The following USH2A variants were observed in gnomAD, a reference collection of about 807,000 sequenced individuals.
USH2A encodes the protein Usher syndrome 2A (autosomal recessive, mild).
Under a neutral mutation model 538.9 loss-of-function variants are expected in USH2A, and 443 were observed. The observed-to-expected ratio is 0.82, with a 90% CI of 0.76 to 0.89. The LOEUF is 0.89. Among genes scored for constraint, USH2A ranks in the 40% least tolerant of loss-of-function variants. The pLI is 0.00. For missense variants in USH2A, 6,633 were observed against 6,324.8 expected (o/e 1.05, Z -1.65); for synonymous variants, 2,413 against 2,273.5 (o/e 1.06, Z -1.75).
intron 38 of USH2A, among the ~76,000 whole-genome samples, chr1:215,931,527 C>T (rs1158231939): frequency 6.6e-6 from 1 of 151,968 alleles, no homozygotes; most frequent in African/African-American, 2.4e-5. Flanking sequence ...TTTGAGCTCC[C>T]AATTTTATCT....
rs772469975 is a variant in USH2A at position 215,675,241 on chromosome 1, T to C, written c.12670A>G (p.Met4224Val). ...GGTTGCAAACCTGTGTCATTATACATAAATGTATTCCTTTCAGTGTTATAT... is the reference window on the plus strand; with the variant it reads ...GGTTGCAAACCTGTGTCATTATACACAAATGTATTCCTTTCAGTGTTATAT... ...TEYNTERNTFMYNDTGLQPWT... is the reference protein window; with the variant it reads ...TEYNTERNTFVYNDTGLQPWT... Residue 4224 changes from methionine (M) to valine (V), a missense_variant, in exon 63 of 72, where the codon ATG becomes GTG. By Grantham distance (21) the Met-to-Val change is conservative. Coordinates refer to ENST00000307340, the MANE Select transcript of USH2A (RefSeq NM_206933.4). 4 of 1,614,158 alleles carry C rather than the reference T, an allele frequency of 2.5e-6. No individual in the cohort carries two copies. Among genetic ancestry groups the C allele is most frequent in the Non-Finnish European group, 3.4e-6 (4 of 1,180,022 alleles).
intron 14 of USH2A, among the ~76,000 whole-genome samples, chr1:216,217,834 A>G (rs1448464640): frequency 6.6e-6 from 1 of 152,082 alleles, no homozygotes; most frequent in Non-Finnish European, 1.5e-5. Flanking sequence ...ACATCCCACA[A>G]TATATCTTAT....
Position 216,287,531 on chromosome 1 carries a change from CT to C in USH2A, c.1971+1748del, listed in dbSNP as rs377331647. Among the ~76,000 whole-genome samples the C allele has an allele frequency of 7.1e-4, 106 of 149,282 alleles. 1 individual carries two copies. Among genetic ancestry groups the C allele is most frequent in the East Asian group, 2.6e-3 (13 of 5,088 alleles). On this transcript the variant is annotated intron_variant, in intron 11 of 71. Coordinates refer to ENST00000307340, the MANE Select transcript of USH2A (RefSeq NM_206933.4). ...GTAGATTGAAATTGATTATGGTGGC[CT>C]TTTTTTTTTCTTAGTCAGTTGTTAA... is the stretch of plus-strand genomic sequence containing the variant.
At position 216,039,433 on chromosome 1, in the gene USH2A, T is replaced by C. The variant is rs574848261; in HGVS notation, c.6325+6998A>G. On this transcript the variant is annotated intron_variant, in intron 32 of 71. Coordinates refer to ENST00000307340, the MANE Select transcript of USH2A (RefSeq NM_206933.4). The stretch of plus-strand genomic sequence containing the variant: ...CCTCGTTTGTAATAGAGTGGCATGG[T>C]GACTCATGGATGAGACCGTCATCTT... 2.6e-5 allele frequency among the ~76,000 whole-genome samples: 4 copies of C among 152,104 alleles called. No homozygotes were observed. In the East Asian group the frequency reaches 7.7e-4, roughly 29 times the overall value.
chr1:215,845,906 T>C lies in USH2A; in HGVS notation c.8973A>G (p.Thr2991=). 2 of 1,613,948 alleles carry C rather than the reference T, an allele frequency of 1.2e-6. No individual in the cohort carries two copies. The highest frequency in any genetic ancestry group is 2.2e-5 in the East Asian group (1 of 44,870). Residue 2991 remains threonine (T), a synonymous_variant, in exon 45 of 72, where the codon ACA becomes ACG. Coordinates refer to ENST00000307340, the MANE Select transcript of USH2A (RefSeq NM_206933.4). The stretch of plus-strand genomic sequence containing the variant: ...AGACAGAGATAAAGATCCAATACTC[T>C]GTGTTTGGCTTTAGGTGGCCAATGA... ...SHVIGHLKPN[T]EYWIFISVFN... is the part of the protein sequence containing the mutation.
intron 40 of USH2A, among the ~76,000 whole-genome samples, chr1:215,895,707 ATGT>A (rs1359916041): frequency 6.6e-6 from 1 of 152,162 alleles, no homozygotes; most frequent in Non-Finnish European, 1.5e-5. Context: ...AAATAACAAG[ATGT>A]AATGCAATGA....
At chr1:215,790,354 T>G in intron 50 of USH2A, 72 bp from the exon 51 acceptor site, 1 of 1,560,330 alleles carries the variant, frequency 6.4e-7, no homozygotes, top group Non-Finnish European at 8.8e-7. Flanking sequence ...CTATAAAGTT[T>G]GGTATAAAAA....
intron 3 of USH2A, among the ~76,000 whole-genome samples, chr1:216,388,152 A>G (rs976133636): frequency 6.6e-6 from 1 of 152,226 alleles, no homozygotes. Flanking sequence ...GAGTTTAAGT[A>G]TAACCATTAT....
intron 4 of USH2A, among the ~76,000 whole-genome samples, chr1:216,344,964 G>A (rs2038146729): frequency 6.6e-6 from 1 of 151,580 alleles, no homozygotes; most frequent in Non-Finnish European, 1.5e-5. Context: ...AATTAGGCAT[G>A]CATGTGAATG....
chr1:216,309,373 T>C (rs2037379013), intron 9 of USH2A, among the ~76,000 whole-genome samples: 1 of 152,220 alleles, frequency 6.6e-6, no homozygotes, highest in Non-Finnish European at 1.5e-5. Flanking sequence ...TCTCTTGCCC[T>C]AATTCAGCCT....
rs544086197 is a variant in USH2A at position 216,065,048 on chromosome 1, C to G, written c.6049+5053G>C. On this transcript the variant is annotated intron_variant, in intron 30 of 71. Transcript: ENST00000307340. ...TGCATAGTTAACATAGTTAACTCTT[C>G]CCTTAGTTTGTGACAAATTTGATAT... Among the ~76,000 whole-genome samples, 279 of 152,292 alleles carry G rather than the reference C, an allele frequency of 1.8e-3. 3 individuals are homozygous for G. The highest frequency in any genetic ancestry group is 6.6e-3 in the African/African-American group (274 of 41,562).
chr1:215,981,999 C>T (rs938603709), intron 35 of USH2A, among the ~76,000 whole-genome samples: 1 of 152,158 alleles, frequency 6.6e-6, no homozygotes, highest in East Asian at 1.9e-4. Flanking sequence ...TATACATTTA[C>T]GTAAGTAATC....
In USH2A at chr1:216,172,146, T is replaced by C. The variant is rs150733044; in HGVS notation, c.4627+3106A>G. ...ATTATTCTCTTTCTATTGTGTAAGATAAAAATATTTAAAGCAAATATGAAA... is the reference window on the plus strand; with the variant it reads ...ATTATTCTCTTTCTATTGTGTAAGACAAAAATATTTAAAGCAAATATGAAA... On this transcript the variant is annotated intron_variant, in intron 21 of 71. Transcript: ENST00000307340. 2.6e-5 allele frequency among the ~76,000 whole-genome samples: 4 copies of C among 152,134 alleles called. No homozygotes were observed. In the East Asian group the frequency reaches 5.8e-4, roughly 22 times the overall value.
At position 215,838,066 on chromosome 1, in the gene USH2A, T is replaced by C. The variant is rs41277194; in HGVS notation, c.9296A>G (p.Asn3099Ser). ...VCTIYACVKS[N>S]GTQITTVEDT... is the part of the protein sequence containing the mutation. Reference sequence around the variant, plus strand: ...TTCCACAGTGGTAATTTGGGTTCCATTGCTTTTCACGCAGGCATATATTGT... The same window carrying C: ...TTCCACAGTGGTAATTTGGGTTCCACTGCTTTTCACGCAGGCATATATTGT... The change falls in exon 47 of 72, where the codon AAT (asparagine) becomes AGT (serine). Residue 3099 changes from asparagine (N) to serine (S), a missense_variant. Coordinates refer to ENST00000307340, the MANE Select transcript of USH2A (RefSeq NM_206933.4). 48,686 of 1,613,804 alleles carry C rather than the reference T, an allele frequency of 0.03. 883 individuals carry two copies. Among genetic ancestry groups the C allele is most frequent in the African/African-American group, 0.071 (5,365 of 75,040 alleles).
chr1:216,238,922 A>G (rs1334560330), intron 13 of USH2A, among the ~76,000 whole-genome samples: 1 of 152,108 alleles, frequency 6.6e-6, no homozygotes, highest in Non-Finnish European at 1.5e-5. Context: ...CCCCTGTGGT[A>G]TATGATCTAG....
At chr1:216,360,626 G>A (rs1307588101) in intron 4 of USH2A, among the ~76,000 whole-genome samples, 1 of 152,044 alleles carries the variant, frequency 6.6e-6, no homozygotes, top group Non-Finnish European at 1.5e-5. Context: ...GGAAGGCTGT[G>A]CGTGTGTAGG....
At chr1:215,742,322 C>T (rs1660327748) in intron 59 of USH2A, among the ~76,000 whole-genome samples, 1 of 152,014 alleles carries the variant, frequency 6.6e-6, no homozygotes. Flanking sequence ...TGATAAATTT[C>T]TTTAAGGTGA....
At position 215,799,121 on chromosome 1, in the gene USH2A, T is replaced by G. The variant is rs1662239120; in HGVS notation, c.9744A>C (p.Glu3248Asp). ...SGYYARILPG[E>D]VCCPDEQHNR... ...TGTGCTGTTCATCTGGACAGCATAC[T>G]TCACCTGTCAATTTAGGACAATAAT... The change falls in exon 50 of 72, where the codon GAA (glutamate) becomes GAC (aspartate). Residue 3248 changes from glutamate to aspartate, a missense_variant. Physicochemically the swap from Glu to Asp is conservative, Grantham distance 45. Coordinates refer to ENST00000307340, the MANE Select transcript of USH2A (RefSeq NM_206933.4). 1 of 1,613,570 alleles carries G rather than the reference T, an allele frequency of 6.2e-7. No homozygotes were observed. Among genetic ancestry groups the G allele is most frequent in the Non-Finnish European group, 8.5e-7 (1 of 1,179,792 alleles).
intron 37 of USH2A, among the ~76,000 whole-genome samples, chr1:215,937,387 TC>T (rs1207662586): frequency 6.6e-6 from 1 of 152,106 alleles, no homozygotes; most frequent in African/African-American, 2.4e-5. Flanking sequence ...TTTCCTAGGT[TC>T]TTTACAACTA....
Sources: allele counts gnomAD v4.1 joint callset (sites outside exome capture counted in the v4.1 genomes callset), GRCh38; gene constraint gnomAD v4.1.1; transcripts MANE v1.5; gene names NCBI Gene and HGNC (gene_info 2026-07-23, HGNC 2026-07-21).